The following AK3 variants were observed in gnomAD, a reference collection of about 807,000 sequenced individuals.
AK3 encodes adenylate kinase 3, also known as GTP:AMP phosphotransferase AK3, mitochondrial.
A neutral mutation model predicts 23.7 loss-of-function variants in AK3; 27 were observed. The ratio of observed to expected loss-of-function variants is 1.14; its 90% confidence interval spans 0.84 to 1.57. The LOEUF is 1.57. AK3 is among the 40% of genes most tolerant of loss of function. AK3 has a pLI of 0.00. For missense variants in AK3, 406 were observed against 285.6 expected, an observed-to-expected ratio of 1.42 and a Z score of -3.04; for synonymous variants, 159 against 116.0, an observed-to-expected ratio of 1.37 and a Z score of -2.38.
chr9:4,718,478 C>T lies in AK3; in HGVS notation c.504G>A (p.Thr168=), dbSNP rs141049546. Residue 168 remains threonine (T), a synonymous_variant, in exon 4 of 5, where the codon ACG becomes ACA. Coordinates refer to ENST00000381809, the MANE Select transcript of AK3 (RefSeq NM_016282.4). ...LIQREDDKPE[T]VIKRLKAYED... ...CATAAGCCTTTAGTCTCTTGATAAC[C>T]GTCTCTGGTTTATCATCCTCACGCT... 4.1e-5 allele frequency: 66 copies of T among 1,613,518 alleles called. No homozygotes were observed. In the African/African-American group the frequency reaches 4.7e-4, roughly 11 times the overall value.
intron 1 of AK3, among the ~76,000 whole-genome samples, chr9:4,730,067 C>A (rs1233467017): frequency 6.6e-6 from 1 of 151,934 alleles, no homozygotes; most frequent in African/African-American, 2.4e-5. Context: ...GTGAAAGAAG[C>A]CAGACACAAA....
intron 1 of AK3, among the ~76,000 whole-genome samples, chr9:4,736,484 AAAAC>A (rs1019272730): frequency 2.5e-5 from 3 of 120,980 alleles, no homozygotes; most frequent in African/African-American, 2.7e-5. Flanking sequence ...AAAAAAAAAA[AAAAC>A]AACTCCGCTT....
At chr9:4,716,737 C>T (rs758407542) in intron 4 of AK3, among the ~76,000 whole-genome samples, 24 of 152,040 alleles carry the variant, frequency 1.6e-4, no homozygotes, top group Non-Finnish European at 2.6e-4. Flanking sequence ...TTGAGTAGCC[C>T]GTGCAACATG....
chr9:4,739,084 A>C (rs1320616924), intron 1 of AK3, among the ~76,000 whole-genome samples: 1 of 151,876 alleles, frequency 6.6e-6, no homozygotes, highest in Non-Finnish European at 1.5e-5. Flanking sequence ...ACTCTCCTAG[A>C]CTTTGGTTAA....
intron 1 of AK3, among the ~76,000 whole-genome samples, chr9:4,736,670 T>C (rs1191584707): frequency 2.0e-5 from 3 of 151,976 alleles, no homozygotes; most frequent in African/African-American, 7.3e-5. Flanking sequence ...GTTGGCCGTC[T>C]AGTCTAGGGT....
intron 2 of AK3, among the ~76,000 whole-genome samples, chr9:4,720,724 A>G (rs1841874524): frequency 6.6e-6 from 1 of 151,748 alleles, no homozygotes; most frequent in East Asian, 1.9e-4. Context: ...AAAACCGCAC[A>G]TGCATAATTT....
chr9:4,720,400 T>C (rs1841863704), intron 2 of AK3, among the ~76,000 whole-genome samples: 1 of 152,162 alleles, frequency 6.6e-6, no homozygotes, highest in African/African-American at 2.4e-5. Context: ...TGACAAAAGT[T>C]AGGCCACACA....
intron 2 of AK3, among the ~76,000 whole-genome samples, chr9:4,721,505 G>A: frequency 6.6e-6 from 1 of 151,506 alleles, no homozygotes. Context: ...TGTCACCCAG[G>A]CTGGAGTGCA....
At chr9:4,729,508 G>C (rs1057060717) in intron 1 of AK3, among the ~76,000 whole-genome samples, 3 of 151,884 alleles carry the variant, frequency 2.0e-5, no homozygotes, top group Non-Finnish European at 4.4e-5. Context: ...ATAAGAGATA[G>C]CAATTCCTCC....
At chr9:4,717,295 G>C (rs1841762480) in intron 4 of AK3, among the ~76,000 whole-genome samples, 1 of 152,208 alleles carries the variant, frequency 6.6e-6, no homozygotes, top group African/African-American at 2.4e-5. Flanking sequence ...GTAAGAAGCA[G>C]GAAGGCTCAG....
Position 4,722,505 on chromosome 9 carries a change from C to A in AK3, c.271+1G>T. The A allele has an allele frequency of 1.2e-6, 2 of 1,614,112 alleles. No individual in the cohort carries two copies. Among genetic ancestry groups the A allele is most frequent in the Non-Finnish European group, 1.7e-6 (2 of 1,180,000 alleles). ...TGAAATGCTCATGAGACTCCACTTA[C>A]CATCCAACAGCCAGCTATACTGGGT... On this transcript the variant is annotated splice_donor_variant, in intron 2 of 4. Transcript: ENST00000381809. LOFTEE classifies it high-confidence loss of function.
At chr9:4,713,904 G>GCA (rs1841630121) in intron 4 of AK3, among the ~76,000 whole-genome samples, 2 of 904 alleles carry the variant, frequency 2.2e-3, no homozygotes. Flanking sequence ...GTACACCTAC[G>GCA]CCTACACATA....
At chr9:4,721,352 G>A (rs1841890075) in intron 2 of AK3, among the ~76,000 whole-genome samples, 1 of 150,800 alleles carries the variant, frequency 6.6e-6, no homozygotes, top group African/African-American at 2.4e-5. Context: ...GCAGTGAGAG[G>A]AGATCGCACC....
At chr9:4,732,021 C>T (rs943979917) in intron 1 of AK3, among the ~76,000 whole-genome samples, 2 of 152,162 alleles carry the variant, frequency 1.3e-5, no homozygotes, top group Admixed American at 1.3e-4. Context: ...ATGATCATAG[C>T]TCACTGCAGC....
At position 4,713,023 on chromosome 9, in the gene AK3, G is replaced by C; in HGVS notation, c.637C>G (p.Gln213Glu). The C allele has an allele frequency of 1.2e-6, 2 of 1,613,736 alleles. No individual in the cohort carries two copies. The highest frequency in any genetic ancestry group is 1.7e-6 in the Non-Finnish European group (2 of 1,179,762). ...TGGCTTCTTTGTGGAACTTTAGTTT[G>C]TAGGAAAGCATATACATAGGGCCAA... is the stretch of plus-strand genomic sequence containing the variant. Reference protein sequence around the residue: ...KIWPYVYAFLQTKVPQRSQKA... With the variant: ...KIWPYVYAFLETKVPQRSQKA... The change falls in exon 5 of 5, where the codon CAA (glutamine) becomes GAA (glutamate). Residue 213 changes from glutamine to glutamate, a missense_variant. Gln to Glu is a conservative substitution (Grantham distance 29). Transcript: ENST00000381809.
intron 1 of AK3, among the ~76,000 whole-genome samples, chr9:4,727,636 C>T (rs1312128805): frequency 6.6e-6 from 1 of 152,160 alleles, no homozygotes; most frequent in Admixed American, 6.5e-5. Flanking sequence ...TCCATATCAA[C>T]AACAAGGTTG....
chr9:4,722,174 C>G (rs1340733753), intron 2 of AK3, among the ~76,000 whole-genome samples: 3 of 152,202 alleles, frequency 2.0e-5, no homozygotes, highest in African/African-American at 7.2e-5. Flanking sequence ...CGGCCATACT[C>G]CTGGCTAGGG....
In AK3 at chr9:4,709,911, A is replaced by G. The variant is rs560066613; in HGVS notation, c.*3065T>C. ...TTGGTTGCAACTATAGCAATTTAAC[A>G]TAATTTGAGATCTATAATTACAATG... is the stretch of plus-strand genomic sequence containing the variant. On this transcript the variant is annotated 3_prime_UTR_variant, in exon 5 of 5. Coordinates refer to ENST00000381809, the MANE Select transcript of AK3 (RefSeq NM_016282.4). 7 of 152,162 alleles carry G rather than the reference A, an allele frequency of 4.6e-5. 1 individual carries two copies. Among genetic ancestry groups the G allele is most frequent in the African/African-American group, 1.7e-4 (7 of 41,438 alleles). The allele number at this position is 152,162 out of a possible 1,614,324, so 9.4% of individuals were successfully genotyped here.
chr9:4,741,323 C>T (rs1044819035), upstream of AK3: 2 of 390,328 alleles, frequency 5.1e-6, no homozygotes, highest in Non-Finnish European at 8.8e-6. Flanking sequence ...CCCGACCGAG[C>T]GCCTGTTCCC....
Sources: allele counts gnomAD v4.1 joint callset (sites outside exome capture counted in the v4.1 genomes callset), GRCh38; gene constraint gnomAD v4.1.1; transcripts MANE v1.5; gene names NCBI Gene and HGNC (gene_info 2026-07-23, HGNC 2026-07-21).